The following MID1 variants were observed in gnomAD, a reference collection of about 807,000 sequenced individuals.
MID1 encodes the protein midline 1, also known as E3 ubiquitin-protein ligase Midline-1.
A neutral mutation model predicts 40.4 loss-of-function variants in MID1; 7 were observed. The ratio of observed to expected loss-of-function variants is 0.17; its 90% confidence interval spans 0.10 to 0.33. MID1 has a LOEUF of 0.33. Among genes scored for constraint, MID1 ranks in the 10% least tolerant of loss-of-function variants. The pLI is 1.00. For missense variants in MID1, 367 were observed against 558.5 expected, an observed-to-expected ratio of 0.66 and a Z score of 3.46; for synonymous variants, 229 against 221.2, an observed-to-expected ratio of 1.04 and a Z score of -0.31.
intron 1 of MID1, among the ~76,000 whole-genome samples, chrX:10,809,493 G>A (rs1384275069): frequency 9.0e-6 from 1 of 111,427 alleles, no homozygotes; most frequent in Non-Finnish European, 1.9e-5. Context: ...GTTTATTGCG[G>A]CACTATTCAC....
At chrX:10,633,829 G>A (rs967307636) in intron 1 of MID1, among the ~76,000 whole-genome samples, 3 of 111,440 alleles carry the variant, frequency 2.7e-5, no homozygotes, top group Non-Finnish European at 5.6e-5. Flanking sequence ...TAGTTTGCAG[G>A]CCCCCAGGGA....
At chrX:10,723,734 A>G (rs2147098125) in intron 1 of MID1, among the ~76,000 whole-genome samples, 1 of 111,392 alleles carries the variant, frequency 9.0e-6, no homozygotes, top group Admixed American at 9.4e-5. Flanking sequence ...TTGTATTTTT[A>G]GTAGAGACGT....
At chrX:10,704,302 ATTATGTCAT>A (rs1349807271) in intron 1 of MID1, among the ~76,000 whole-genome samples, 1 of 111,834 alleles carries the variant, frequency 8.9e-6, no homozygotes, top group Non-Finnish European at 1.9e-5. Flanking sequence ...AGCTTCACTT[ATTATGTCAT>A]TAGCAGGTCA....
At chrX:10,592,146 GGTGTGTGTGTGTGT>G (rs61450722) in intron 1 of MID1, among the ~76,000 whole-genome samples, 1 of 102,319 alleles carries the variant, frequency 9.8e-6, no homozygotes, top group East Asian at 3.0e-4. Flanking sequence ...AATGGCTTGT[GGTGTGTGTGTGTGT>G]GTGTGTGTGT....
intron 1 of MID1, among the ~76,000 whole-genome samples, chrX:10,586,959 G>A (rs1935155392): frequency 8.9e-6 from 1 of 112,726 alleles, no homozygotes; most frequent in Admixed American, 9.3e-5. Flanking sequence ...GCTTGCTGCT[G>A]TTGGTTGTAA....
intron 3 of MID1, among the ~76,000 whole-genome samples, chrX:10,507,353 G>A (rs1433986872): frequency 4.5e-5 from 5 of 111,823 alleles, no homozygotes; most frequent in Non-Finnish European, 7.5e-5. Flanking sequence ...TGGAAACACT[G>A]CTTGCTTTAA....
At chrX:10,556,762 C>T (rs1223729908) in intron 2 of MID1, among the ~76,000 whole-genome samples, 1 of 112,304 alleles carries the variant, frequency 8.9e-6, no homozygotes, top group Non-Finnish European at 1.9e-5. Context: ...GGGTACGCAA[C>T]AACGTTGTGT....
At chrX:10,813,937 G>A (rs768309295) in intron 1 of MID1, among the ~76,000 whole-genome samples, 3 of 111,759 alleles carry the variant, frequency 2.7e-5, no homozygotes, top group African/African-American at 9.7e-5. Context: ...AATCTCTGTC[G>A]CAACTACTCA....
intron 2 of MID1, among the ~76,000 whole-genome samples, chrX:10,529,264 T>C (rs1181477703): frequency 3.6e-5 from 4 of 112,271 alleles, no homozygotes; most frequent in African/African-American, 1.3e-4. Flanking sequence ...ATTAAAAGCA[T>C]GCCCACACAT....
intron 1 of MID1, among the ~76,000 whole-genome samples, chrX:10,689,279 T>C (rs952533599): frequency 9.0e-6 from 1 of 111,568 alleles, no homozygotes; most frequent in African/African-American, 3.3e-5. Flanking sequence ...ACGATCATGG[T>C]GTAAGGCAAA....
At chrX:10,664,602 C>G (rs2042938132) in intron 1 of MID1, among the ~76,000 whole-genome samples, 1 of 112,448 alleles carries the variant, frequency 8.9e-6, no homozygotes, top group Non-Finnish European at 1.9e-5. Context: ...TTTCATTTCT[C>G]TTGGATATAT....
upstream of MID1, among the ~76,000 whole-genome samples, chrX:10,623,277 G>T (rs748129313): frequency 1.7e-4 from 16 of 93,805 alleles, no homozygotes; most frequent in Non-Finnish European, 3.1e-4. Context: ...AGAAAGGAAA[G>T]AAAGAAAGAA....
intron 3 of MID1, among the ~76,000 whole-genome samples, chrX:10,518,339 C>T (rs770534902): frequency 2.4e-3 from 263 of 111,671 alleles, no homozygotes; most frequent in Non-Finnish European, 4.2e-3. Flanking sequence ...TTAGACTCTG[C>T]GAAGTTAGAT....
chrX:10,690,337 G>A (rs1048195510), intron 1 of MID1, among the ~76,000 whole-genome samples: 9 of 111,463 alleles, frequency 8.1e-5, no homozygotes, highest in African/African-American at 2.6e-4. Context: ...TTTCCAAACC[G>A]GGCTAAAATG....
At chrX:10,469,417 T>C in intron 7 of MID1, 1 of 1,065,985 alleles carries the variant, frequency 9.4e-7, no homozygotes, top group Admixed American at 3.8e-5. Flanking sequence ...TCTATGTATC[T>C]CTCTATATAT....
chrX:10,536,288 A>G lies in MID1; in HGVS notation c.661-13101T>C, dbSNP rs767873668. Among the ~76,000 whole-genome samples, 5 of 111,638 alleles carry G rather than the reference A, an allele frequency of 4.5e-5. No individual in the cohort carries two copies. The East Asian group carries it at 1.1e-3, about 25-fold the overall frequency. On this transcript the variant is annotated intron_variant, in intron 2 of 9. Transcript: ENST00000317552. The stretch of plus-strand genomic sequence containing the variant: ...TATTCTGCTTCTTTGATTGATGGCC[A>G]CTTGCCTGGGGAAAAAAAAAATAGA...
intron 1 of MID1, among the ~76,000 whole-genome samples, chrX:10,652,636 G>T (rs1384966358): frequency 9.0e-6 from 1 of 111,329 alleles, no homozygotes; most frequent in East Asian, 2.8e-4. Context: ...TCCACGCAAT[G>T]CTCCCAAAGC....
At chrX:10,572,117 CTCTCTCTCTCTTTCTCTCTCCCTT>C (rs1290112905) in intron 1 of MID1, among the ~76,000 whole-genome samples, 1 of 107,581 alleles carries the variant, frequency 9.3e-6, no homozygotes, top group Non-Finnish European at 1.9e-5. Flanking sequence ...CTCTCTCTCT[CTCTCTCTCTCTTTCTCTCTCCCTT>C]TCTCTCTCTC....
At chrX:10,787,483 C>A (rs1273277199) in intron 1 of MID1, among the ~76,000 whole-genome samples, 1 of 58,365 alleles carries the variant, frequency 1.7e-5, no homozygotes, top group Non-Finnish European at 3.2e-5. Flanking sequence ...TTTGTTTTTT[C>A]TTTTTTTCTT....
Sources: gnomAD v4.1 joint callset for allele counts (sites outside exome capture counted in the v4.1 genomes callset) on GRCh38, gnomAD v4.1.1 for gene constraint, MANE v1.5 for transcripts, NCBI Gene and HGNC (gene_info 2026-07-23, HGNC 2026-07-21) for gene names.